The following MDGA2 variants were observed in gnomAD, a reference collection of about 807,000 sequenced individuals.
MDGA2 encodes the protein MAM domain containing glycosylphosphatidylinositol anchor 2, also known as MAM domain-containing glycosylphosphatidylinositol anchor protein 2.
Under a neutral mutation model 117.8 loss-of-function variants are expected in MDGA2, and 40 were observed. The observed-to-expected ratio is 0.34, with a 90% CI of 0.26 to 0.44. The LOEUF (loss-of-function observed/expected upper bound fraction) is 0.44, where lower values mean the gene tolerates loss of function less well. Ranked by LOEUF, MDGA2 falls within the 20% of genes least tolerant of loss-of-function variation. The pLI, the probability that MDGA2 is intolerant of heterozygous loss-of-function variation, is 1.00. For missense variants in MDGA2, 1,123 were observed against 1,250.6 expected, an observed-to-expected ratio of 0.90 and a Z score of 1.54; for synonymous variants, 452 against 439.0, an observed-to-expected ratio of 1.03 and a Z score of -0.37.
intron 14 of MDGA2, among the ~76,000 whole-genome samples, chr14:46,859,359 T>A (rs2138315907): frequency 6.6e-6 from 1 of 152,348 alleles, no homozygotes; most frequent in South Asian, 2.1e-4. Context: ...GTTTTCTACA[T>A]GTACAGTCTA....
chr14:46,869,457 A>T (rs1459103882), intron 14 of MDGA2, among the ~76,000 whole-genome samples: 1 of 150,546 alleles, frequency 6.6e-6, no homozygotes, highest in Non-Finnish European at 1.5e-5. Flanking sequence ...TTTTATTATT[A>T]TCATGGCCAG....
chr14:46,844,762 G>A (rs1880757341), intron 16 of MDGA2, among the ~76,000 whole-genome samples: 1 of 152,030 alleles, frequency 6.6e-6, no homozygotes, highest in Non-Finnish European at 1.5e-5. Flanking sequence ...AATATAATCC[G>A]CATAATCCCC....
chr14:47,582,559 A>G (rs901868570), intron 1 of MDGA2, among the ~76,000 whole-genome samples: 2 of 151,860 alleles, frequency 1.3e-5, no homozygotes, highest in Non-Finnish European at 2.9e-5. Context: ...AGTGATTATA[A>G]TATTTTGTAT....
At chr14:47,392,766 T>C (rs200884840) in intron 1 of MDGA2, among the ~76,000 whole-genome samples, 1 of 151,826 alleles carries the variant, frequency 6.6e-6, no homozygotes, top group Non-Finnish European at 1.5e-5. Context: ...AACCAAAAAA[T>C]AAAAAATAAA....
intron 5 of MDGA2, among the ~76,000 whole-genome samples, chr14:47,123,985 A>C (rs1182422029): frequency 6.6e-6 from 1 of 152,114 alleles, no homozygotes; most frequent in South Asian, 2.1e-4. Context: ...CAAAAGAGTT[A>C]CAGGGAACAT....
chr14:47,252,755 G>A (rs140603759), intron 2 of MDGA2, among the ~76,000 whole-genome samples: 4 of 152,206 alleles, frequency 2.6e-5, no homozygotes, highest in African/African-American at 9.6e-5. Flanking sequence ...AGAAGGAAAA[G>A]GTGAGAGTGA....
At chr14:46,987,538 G>A (rs1436858311) in intron 8 of MDGA2, among the ~76,000 whole-genome samples, 5 of 151,984 alleles carry the variant, frequency 3.3e-5, no homozygotes, top group Admixed American at 6.6e-5. Flanking sequence ...GCAGCCACGC[G>A]TCACTCACCA....
intron 1 of MDGA2, among the ~76,000 whole-genome samples, chr14:47,304,542 A>C (rs891258306): frequency 6.6e-6 from 1 of 152,160 alleles, no homozygotes; most frequent in African/African-American, 2.4e-5. Flanking sequence ...CTCCAAACTT[A>C]ACCAAACTTC....
intron 7 of MDGA2, chr14:47,058,918 A>G (rs1021916597): frequency 3.1e-6 from 3 of 971,472 alleles, no homozygotes; most frequent in Non-Finnish European, 3.7e-6. Flanking sequence ...ATGTTGCCAT[A>G]GTGAGTTTAT....
At chr14:47,630,579 C>A (rs935834437) in intron 1 of MDGA2, among the ~76,000 whole-genome samples, 27 of 152,120 alleles carry the variant, frequency 1.8e-4, no homozygotes, top group Non-Finnish European at 7.4e-5. Context: ...TGGAAAGAAT[C>A]CTATACTTTC....
intron 2 of MDGA2, among the ~76,000 whole-genome samples, chr14:47,242,031 T>G (rs1189074078): frequency 6.6e-6 from 1 of 151,836 alleles, no homozygotes; most frequent in East Asian, 1.9e-4. Context: ...GTGTTGTTTT[T>G]ATTTTCCTTA....
At chr14:47,476,764 A>G (rs1274359245) in intron 1 of MDGA2, among the ~76,000 whole-genome samples, 1 of 152,252 alleles carries the variant, frequency 6.6e-6, no homozygotes, top group Admixed American at 6.5e-5. Flanking sequence ...TTGAAAATAT[A>G]AAAACATGAC....
At chr14:47,389,589 AAC>A (rs1229644562) in intron 1 of MDGA2, among the ~76,000 whole-genome samples, 117 of 130,574 alleles carry the variant, frequency 9.0e-4, no homozygotes, top group Admixed American at 3.2e-3. Context: ...TTTGCAGGAA[AAC>A]ACACACACAC....
intron 2 of MDGA2, among the ~76,000 whole-genome samples, chr14:47,281,755 T>C (rs1364200049): frequency 6.6e-6 from 1 of 152,148 alleles, no homozygotes; most frequent in African/African-American, 2.4e-5. Context: ...TTGAAATTCA[T>C]CTGTAAAGAA....
At chr14:46,977,117 A>T (rs1002736692) in intron 8 of MDGA2, among the ~76,000 whole-genome samples, 1 of 151,936 alleles carries the variant, frequency 6.6e-6, no homozygotes, top group African/African-American at 2.4e-5. Context: ...TTCATAAAAA[A>T]ATATACCATA....
At chr14:47,016,082 A>T (rs970325538) in intron 8 of MDGA2, among the ~76,000 whole-genome samples, 2 of 152,108 alleles carry the variant, frequency 1.3e-5, no homozygotes, top group African/African-American at 4.8e-5. Flanking sequence ...TAAAAATTTT[A>T]AAACTTATTT....
chr14:47,544,050 G>A (rs753199247), intron 1 of MDGA2, among the ~76,000 whole-genome samples: 23 of 152,068 alleles, frequency 1.5e-4, no homozygotes, highest in Non-Finnish European at 2.5e-4. Flanking sequence ...CTTTGAGAAC[G>A]GGTCTTATAA....
At chr14:47,263,266 C>A (rs752195813) in intron 2 of MDGA2, among the ~76,000 whole-genome samples, 2 of 152,030 alleles carry the variant, frequency 1.3e-5, no homozygotes, top group Non-Finnish European at 2.9e-5. Context: ...TAGTTAGGCA[C>A]GTGGATTCAA....
At chr14:47,417,056 A>C (rs1892490102) in intron 1 of MDGA2, among the ~76,000 whole-genome samples, 1 of 152,158 alleles carries the variant, frequency 6.6e-6, no homozygotes, top group Admixed American at 6.5e-5. Flanking sequence ...ATGAGGTCTC[A>C]TTGTCTTGAT....
Sources: gnomAD v4.1 joint callset for allele counts (sites outside exome capture counted in the v4.1 genomes callset) on GRCh38, gnomAD v4.1.1 for gene constraint, MANE v1.5 for transcripts, NCBI Gene and HGNC (gene_info 2026-07-23, HGNC 2026-07-21) for gene names.